The following ARHGAP18 variants were observed in gnomAD, a reference collection of about 807,000 sequenced individuals.
ARHGAP18 encodes rho GTPase-activating protein 18.
A neutral mutation model predicts 86.2 loss-of-function variants in ARHGAP18; 67 were observed. The observed-to-expected ratio is 0.78, with a 90% confidence interval of 0.64 to 0.95. ARHGAP18 has a LOEUF of 0.95. Among genes scored for constraint, ARHGAP18 ranks in the 40% least tolerant of loss-of-function variants. ARHGAP18 has a pLI of 0.00. For synonymous variants in ARHGAP18, 283 were observed against 280.4 expected (o/e 1.01, Z -0.09); for missense variants, 691 against 780.4 (o/e 0.89, Z 1.37).
At chr6:129,631,672 C>T (rs1773214326) in intron 4 of ARHGAP18, among the ~76,000 whole-genome samples, 1 of 151,774 alleles carries the variant, frequency 6.6e-6, no homozygotes, top group South Asian at 2.1e-4. Flanking sequence ...TGCAAATCTC[C>T]CTTAAGTTTT....
At chr6:129,590,970 T>C (rs191582984) in intron 12 of ARHGAP18, among the ~76,000 whole-genome samples, 2 of 152,322 alleles carry the variant, frequency 1.3e-5, no homozygotes, top group African/African-American at 4.8e-5. Flanking sequence ...TTAACCAGTA[T>C]ATATAATGGT....
At chr6:129,642,467 C>T (rs773287574) in intron 1 of ARHGAP18, among the ~76,000 whole-genome samples, 4 of 150,392 alleles carry the variant, frequency 2.7e-5, no homozygotes, top group Admixed American at 1.3e-4. Context: ...TTTTTTTTGG[C>T]AGACATGGGG....
At chr6:129,600,920 C>T in intron 10 of ARHGAP18, 72 bp from the exon 11 acceptor site, 5 of 1,316,172 alleles carry the variant, frequency 3.8e-6, no homozygotes, top group East Asian at 2.4e-5. Flanking sequence ...GTAGCATATG[C>T]AATTTTTATT....
At position 129,698,691 on chromosome 6, in the gene ARHGAP18, GTTTT is replaced by G. The variant is rs34995244; in HGVS notation, c.113+11329_113+11332del. 1.6e-3 allele frequency among the ~76,000 whole-genome samples: 145 copies of G among 89,646 alleles called. 1 individual carries two copies. Among genetic ancestry groups the G allele is most frequent in the African/African-American group, 5.6e-3 (127 of 22,650 alleles). 58.8% of individuals were successfully genotyped at this position (89,646 alleles called of 152,430 possible). ...CGAGTAGCGTGTACCACCACGCCCAGTTTTTTTTTTTTTTTTTTTTGAGACGGAG... is the reference window on the plus strand; with the variant it reads ...CGAGTAGCGTGTACCACCACGCCCAGTTTTTTTTTTTTTTTTGAGACGGAG... On this transcript the variant is annotated intron_variant, in intron 1 of 14. Coordinates refer to ENST00000368149, the MANE Select transcript of ARHGAP18 (RefSeq NM_033515.3).
chr6:129,593,280 C>CA (rs1326171883), intron 12 of ARHGAP18, among the ~76,000 whole-genome samples: 1 of 151,916 alleles, frequency 6.6e-6, no homozygotes, highest in Non-Finnish European at 1.5e-5. Context: ...TGTAACGTAG[C>CA]AAGACCCTGT....
intron 1 of ARHGAP18, among the ~76,000 whole-genome samples, chr6:129,657,397 T>C (rs1330718906): frequency 6.6e-6 from 1 of 151,128 alleles, no homozygotes; most frequent in Non-Finnish European, 1.5e-5. Context: ...TGAGCTGGCA[T>C]TTTACACACT....
At chr6:129,633,735 C>T (rs763349307) in intron 4 of ARHGAP18, among the ~76,000 whole-genome samples, 3 of 152,038 alleles carry the variant, frequency 2.0e-5, no homozygotes, top group Admixed American at 6.6e-5. Flanking sequence ...GGGTTAAGAA[C>T]AATAACCATT....
At chr6:129,707,443 G>A (rs1336081149) in intron 1 of ARHGAP18, among the ~76,000 whole-genome samples, 1 of 151,960 alleles carries the variant, frequency 6.6e-6, no homozygotes, top group Non-Finnish European at 1.5e-5. Context: ...AGGAAATGCA[G>A]AATCTAATTT....
At chr6:129,608,400 C>T (rs1379267214) in intron 8 of ARHGAP18, among the ~76,000 whole-genome samples, 5 of 151,690 alleles carry the variant, frequency 3.3e-5, no homozygotes, top group South Asian at 4.1e-4. Flanking sequence ...TATAAATCTT[C>T]GTTAAATTAA....
chr6:129,625,852 T>TTATATTTATATATTATATATTA (rs1562698430), intron 5 of ARHGAP18, among the ~76,000 whole-genome samples: 38 of 65,004 alleles, frequency 5.8e-4, no homozygotes, highest in African/African-American at 1.9e-3. Context: ...ATATTATATA[T>TTATATTTATATATTATATATTA]TATATTTATA....
At chr6:129,671,523 A>G (rs1774141393) in intron 1 of ARHGAP18, among the ~76,000 whole-genome samples, 1 of 151,928 alleles carries the variant, frequency 6.6e-6, no homozygotes, top group African/African-American at 2.4e-5. Context: ...ACAAAGCAAG[A>G]CCTCATCTCT....
chr6:129,593,479 T>TA (rs1788558313), intron 12 of ARHGAP18, among the ~76,000 whole-genome samples: 1 of 151,992 alleles, frequency 6.6e-6, no homozygotes, highest in South Asian at 2.1e-4. Context: ...AACAAACCTT[T>TA]AAAAAATTAA....
intron 12 of ARHGAP18, among the ~76,000 whole-genome samples, chr6:129,589,001 G>T (rs760538095): frequency 4.6e-5 from 7 of 152,350 alleles, no homozygotes; most frequent in Non-Finnish European, 8.8e-5. Context: ...ATGTCCTGAG[G>T]CTGTGTAGAG....
intron 5 of ARHGAP18, among the ~76,000 whole-genome samples, chr6:129,628,800 C>T (rs1238106318): frequency 2.0e-5 from 3 of 152,058 alleles, no homozygotes; most frequent in South Asian, 4.1e-4. Context: ...GTATATGACT[C>T]TTGCTTGGAA....
chr6:129,616,054 T>A (rs952346424), intron 7 of ARHGAP18, among the ~76,000 whole-genome samples, 158 bp downstream of exon 7: 2 of 152,166 alleles, frequency 1.3e-5, no homozygotes, highest in African/African-American at 4.8e-5. Flanking sequence ...ATATAAAACT[T>A]ATGAGCCCTT....
chr6:129,695,326 G>A (rs1039048876), intron 1 of ARHGAP18, among the ~76,000 whole-genome samples: 13 of 151,848 alleles, frequency 8.6e-5, no homozygotes, highest in Non-Finnish European at 2.9e-5. Context: ...ACCAAATATT[G>A]AACCACAAAA....
intron 1 of ARHGAP18, among the ~76,000 whole-genome samples, chr6:129,663,143 T>C (rs1028080770): frequency 6.6e-6 from 1 of 152,180 alleles, no homozygotes; most frequent in Non-Finnish European, 1.5e-5. Context: ...AGACTCTGTA[T>C]GATAAATGCC....
intron 1 of ARHGAP18, among the ~76,000 whole-genome samples, chr6:129,646,351 G>A (rs889307126): frequency 6.6e-6 from 1 of 152,052 alleles, no homozygotes; most frequent in African/African-American, 2.4e-5. Flanking sequence ...CATGAAAAAG[G>A]TCCCCTAGGT....
At chr6:129,709,990 GGTTTT>G (rs759294927) in intron 1 of ARHGAP18, 29 bp downstream of exon 1, 1 of 1,539,040 alleles carries the variant, frequency 6.5e-7, no homozygotes, top group East Asian at 2.2e-5. Flanking sequence ...CAGGTAAGAG[GGTTTT>G]GTTTTGTTTT....
Sources: gnomAD v4.1 joint callset for allele counts (sites outside exome capture counted in the v4.1 genomes callset) on GRCh38, gnomAD v4.1.1 for gene constraint, MANE v1.5 for transcripts, NCBI Gene and HGNC (gene_info 2026-07-23, HGNC 2026-07-21) for gene names.